The following PAFAH2 variants were observed in gnomAD, a reference collection of about 807,000 sequenced individuals.
PAFAH2 encodes the protein platelet-activating factor acetylhydrolase 2, cytoplasmic.
Under a neutral mutation model 49.0 loss-of-function variants are expected in PAFAH2, and 42 were observed. That is an observed-to-expected ratio of 0.86 (90% CI 0.67 to 1.11). The LOEUF (loss-of-function observed/expected upper bound fraction) is 1.11. Among genes scored for constraint, PAFAH2 ranks in the 50% least tolerant of loss-of-function variants. The pLI is 0.00. For missense variants in PAFAH2, 503 were observed against 501.8 expected, an observed-to-expected ratio of 1.00 and a Z score of -0.02; for synonymous variants, 184 against 181.3, an observed-to-expected ratio of 1.01 and a Z score of -0.12.
rs2049859361 is a variant in PAFAH2, at chr1:25,990,726, C to A, written c.90+1G>T. ...GAAGAAAGGGAGCTGGGGACACTTA[C>A]CTGGAGATTCTGACCCTCCATCACA... On this transcript the variant is annotated splice_donor_variant, in intron 2 of 10. Coordinates refer to ENST00000374282, the MANE Select transcript of PAFAH2 (RefSeq NM_000437.4). LOFTEE classifies it high-confidence loss of function. The A allele has an allele frequency of 1.9e-6, 3 of 1,612,338 alleles. No individual in the cohort carries two copies. The highest frequency in any genetic ancestry group is 2.2e-5 in the South Asian group (2 of 90,964).
intron 7 of PAFAH2, among the ~76,000 whole-genome samples, chr1:25,980,796 C>G (rs566856007): frequency 5.9e-5 from 9 of 151,856 alleles, no homozygotes; most frequent in African/African-American, 1.9e-4. Flanking sequence ...GGCAGGTGGA[C>G]TGCCTGGGCC....
At chr1:25,971,564 T>C (rs2049509701) in intron 10 of PAFAH2, among the ~76,000 whole-genome samples, 1 of 151,884 alleles carries the variant, frequency 6.6e-6, no homozygotes, top group Non-Finnish European at 1.5e-5. Flanking sequence ...AGAGATGTCG[T>C]GAGAGGAAGA....
At chr1:25,997,264 A>C (rs764214488) in intron 1 of PAFAH2, among the ~76,000 whole-genome samples, 1 of 152,254 alleles carries the variant, frequency 6.6e-6, no homozygotes, top group African/African-American at 2.4e-5. Flanking sequence ...TAGACAATGA[A>C]GACACCAAGC....
At chr1:25,968,906 T>C (rs749384664) in intron 10 of PAFAH2, among the ~76,000 whole-genome samples, 1 of 152,066 alleles carries the variant, frequency 6.6e-6, no homozygotes, top group Non-Finnish European at 1.5e-5. Context: ...TTTCAGACTG[T>C]CTTATCTCTT....
chr1:25,987,519 G>A (rs140182921), intron 4 of PAFAH2, among the ~76,000 whole-genome samples: 2 of 152,234 alleles, frequency 1.3e-5, no homozygotes, highest in African/African-American at 4.8e-5. Context: ...CTCCACAAGT[G>A]CAGGGAGCAA....
intron 1 of PAFAH2, among the ~76,000 whole-genome samples, chr1:25,993,034 T>C (rs2049896657): frequency 6.6e-6 from 1 of 152,166 alleles, no homozygotes; most frequent in South Asian, 2.1e-4. Flanking sequence ...CCATGGTGGA[T>C]GGGAAAACCA....
intron 5 of PAFAH2, 55 bp downstream of exon 5, chr1:25,984,405 T>G (rs2049746907): frequency 2.4e-6 from 3 of 1,271,712 alleles, no homozygotes; most frequent in Non-Finnish European, 3.4e-6. Context: ...GATAGGGGAC[T>G]AGCCTATATC....
At chr1:25,980,874 G>A (rs2049677181) in intron 7 of PAFAH2, among the ~76,000 whole-genome samples, 1 of 151,780 alleles carries the variant, frequency 6.6e-6, no homozygotes, top group South Asian at 2.1e-4. Context: ...AAAATTAGCT[G>A]GGCATGGTGG....
intron 4 of PAFAH2, among the ~76,000 whole-genome samples, chr1:25,985,692 C>T (rs757063718): frequency 1.4e-4 from 21 of 152,324 alleles, no homozygotes; most frequent in South Asian, 8.3e-4. Context: ...TGCCCAGCCC[C>T]GGCACACAGC....
At chr1:25,971,247 GA>G (rs2049504908) in intron 10 of PAFAH2, among the ~76,000 whole-genome samples, 1 of 152,202 alleles carries the variant, frequency 6.6e-6, no homozygotes, top group South Asian at 2.1e-4. Context: ...TGAGGGATCA[GA>G]AAGGGACCTC....
intron 5 of PAFAH2, 49 bp downstream of exon 5, chr1:25,984,411 A>G (rs752776585): frequency 1.5e-6 from 2 of 1,357,146 alleles, no homozygotes; most frequent in Non-Finnish European, 2.1e-6. Flanking sequence ...GGACTAGCCT[A>G]TATCCTAGCT....
chr1:25,977,701 G>A (rs2049617495), intron 7 of PAFAH2, among the ~76,000 whole-genome samples: 1 of 151,276 alleles, frequency 6.6e-6, no homozygotes, highest in Non-Finnish European at 1.5e-5. Context: ...GGCTCGAAAT[G>A]GTCAGATTCC....
intron 6 of PAFAH2, 29 bp from the exon 7 acceptor site, chr1:25,982,506 G>A: frequency 6.6e-7 from 1 of 1,510,456 alleles, no homozygotes; most frequent in South Asian, 1.1e-5. Context: ...CAGTGGGACT[G>A]GAACACTCCA....
chr1:25,984,734 A>T (rs1262778241), intron 4 of PAFAH2, among the ~76,000 whole-genome samples: 1 of 152,078 alleles, frequency 6.6e-6, no homozygotes, highest in East Asian at 1.9e-4. Flanking sequence ...GTTAAATACA[A>T]CTTGCCCAAT....
chr1:25,980,714 A>T (rs2049674085), intron 7 of PAFAH2, among the ~76,000 whole-genome samples: 1 of 151,298 alleles, frequency 6.6e-6, no homozygotes, highest in East Asian at 1.9e-4. Context: ...ATACAATATG[A>T]TATGGCTATT....
chr1:25,980,842 ACC>A (rs1162272290), intron 7 of PAFAH2, among the ~76,000 whole-genome samples: 1 of 151,170 alleles, frequency 6.6e-6, no homozygotes, highest in African/African-American at 2.4e-5. Flanking sequence ...ACATGGTGAA[ACC>A]CCATCTCTAC....
intron 10 of PAFAH2, among the ~76,000 whole-genome samples, chr1:25,963,632 T>G (rs1299350470): frequency 6.6e-6 from 1 of 152,186 alleles, no homozygotes; most frequent in Non-Finnish European, 1.5e-5. Flanking sequence ...GCCTCCTAAG[T>G]AGCTGGGACT....
At chr1:25,988,426 C>A (rs1228931242) in intron 3 of PAFAH2, 99 bp from the exon 4 acceptor site, 3 of 807,460 alleles carry the variant, frequency 3.7e-6, no homozygotes, top group Non-Finnish European at 6.3e-6. Flanking sequence ...TGTTTCTCCC[C>A]TCTGGAGAAC....
At chr1:25,988,473 A>G in intron 3 of PAFAH2, 146 bp from the exon 4 acceptor site, 1 of 604,440 alleles carries the variant, frequency 1.7e-6, no homozygotes, top group South Asian at 1.9e-5. Flanking sequence ...GCAGTTAATC[A>G]CCTATTTCTT....
Sources: gnomAD v4.1 joint callset for allele counts (sites outside exome capture counted in the v4.1 genomes callset) on GRCh38, gnomAD v4.1.1 for gene constraint, MANE v1.5 for transcripts, NCBI Gene and HGNC (gene_info 2026-07-23, HGNC 2026-07-21) for gene names.